Variants in TBC1D8 observed in about 807,000 individuals in gnomAD.
TBC1D8 encodes BUB2-like protein 1.
A neutral mutation model predicts 118.8 loss-of-function variants in TBC1D8; 65 were observed. That is an observed-to-expected ratio of 0.55 (90% CI 0.45 to 0.67). The LOEUF is 0.67. Ranked by LOEUF, TBC1D8 falls within the 30% of genes least tolerant of loss-of-function variation. The pLI, the probability that TBC1D8 is intolerant of heterozygous loss-of-function variation, is 0.00. For synonymous variants in TBC1D8, 566 were observed against 595.8 expected (o/e 0.95, Z 0.73); for missense variants, 1,376 against 1,471.2 (o/e 0.94, Z 1.06).
At chr2:101,024,402 ATTT>A (rs34272976) in intron 15 of TBC1D8, among the ~76,000 whole-genome samples, 4 of 121,154 alleles carry the variant, frequency 3.3e-5, no homozygotes, top group Non-Finnish European at 1.7e-5. Flanking sequence ...TGGGACTGTA[ATTT>A]TTTTTTTTTT....
intron 17 of TBC1D8, chr2:101,018,081 A>C: frequency 4.2e-6 from 3 of 716,172 alleles, no homozygotes; most frequent in East Asian, 2.8e-5. Flanking sequence ...GGCTAATGGG[A>C]CTAGATTTTG....
chr2:101,032,581 A>G, intron 10 of TBC1D8, 196 bp from the exon 11 acceptor site: 1 of 528,214 alleles, frequency 1.9e-6, no homozygotes. Context: ...CGCCCAGCTG[A>G]GCGATCGGCC....
chr2:101,056,643 G>A (rs574594073), intron 3 of TBC1D8, among the ~76,000 whole-genome samples: 5 of 152,194 alleles, frequency 3.3e-5, no homozygotes, highest in African/African-American at 7.2e-5. Context: ...GAGTATTTTT[G>A]AAAAGCATAT....
intron 2 of TBC1D8, among the ~76,000 whole-genome samples, chr2:101,075,236 A>C (rs1674731082): frequency 6.6e-6 from 1 of 152,048 alleles, no homozygotes; most frequent in Non-Finnish European, 1.5e-5. Flanking sequence ...ATCTCTACTA[A>C]AAATACAAAA....
At chr2:101,138,678 C>T (rs940292428) in intron 1 of TBC1D8, among the ~76,000 whole-genome samples, 1 of 152,144 alleles carries the variant, frequency 6.6e-6, no homozygotes. Context: ...TGAAGAGATA[C>T]ACAGGGCGGG....
chr2:101,093,551 C>G (rs1002854575), intron 1 of TBC1D8, among the ~76,000 whole-genome samples: 12 of 151,690 alleles, frequency 7.9e-5, no homozygotes, highest in Admixed American at 1.3e-4. Flanking sequence ...TTCCATTATT[C>G]TCAAAAAAAA....
intron 1 of TBC1D8, among the ~76,000 whole-genome samples, chr2:101,136,809 C>T (rs941703581): frequency 6.6e-6 from 1 of 152,134 alleles, no homozygotes; most frequent in Non-Finnish European, 1.5e-5. Context: ...GCCTTGCTTA[C>T]GTTTCACATT....
chr2:101,076,211 AT>A (rs1227383266), intron 2 of TBC1D8, among the ~76,000 whole-genome samples: 1 of 152,222 alleles, frequency 6.6e-6, no homozygotes, highest in Non-Finnish European at 1.5e-5. Flanking sequence ...TTCTTTACAG[AT>A]AACTCAAGCA....
chr2:101,103,341 G>A lies in TBC1D8; in HGVS notation c.128-12977C>T, dbSNP rs192158315. 3.6e-3 allele frequency among the ~76,000 whole-genome samples: 522 copies of A among 146,840 alleles called. 4 individuals carry two copies. The highest frequency in any genetic ancestry group is 0.012 in the African/African-American group (485 of 40,546). ...TTTTAAAAAAAAAAAAACTTGGAAGGGGGAAGCAGGAAACAAAAAAAAAAA... is the reference window on the plus strand; with the variant it reads ...TTTTAAAAAAAAAAAAACTTGGAAGAGGGAAGCAGGAAACAAAAAAAAAAA... On this transcript the variant is annotated intron_variant, in intron 1 of 19. Transcript: ENST00000409318.
chr2:101,072,738 A>G (rs1674534163), intron 2 of TBC1D8, among the ~76,000 whole-genome samples: 1 of 152,120 alleles, frequency 6.6e-6, no homozygotes, highest in South Asian at 2.1e-4. Flanking sequence ...TCAGGCAGTA[A>G]TGTGCACTTG....
chr2:101,082,520 G>C (rs941558138), intron 2 of TBC1D8, among the ~76,000 whole-genome samples: 1 of 152,126 alleles, frequency 6.6e-6, no homozygotes, highest in Non-Finnish European at 1.5e-5. Context: ...TCCTTGTTTC[G>C]ACTTATGCCC....
In TBC1D8 at chr2:101,037,476, C is replaced by A. The variant is rs1681084903; in HGVS notation, c.1452+56G>T. 6.3e-6 allele frequency: 10 copies of A among 1,579,520 alleles called. No individual in the cohort carries two copies. The South Asian group carries it at 1.1e-4, about 18-fold the overall frequency. On this transcript the variant is annotated intron_variant, in intron 8 of 19. Transcript: ENST00000409318. ...TGGTGACTCAGACAGCTGGGCAACC[C>A]CCCCAAGCCCACGGCTCAGCTTTGT...
intron 1 of TBC1D8, among the ~76,000 whole-genome samples, chr2:101,093,108 T>A (rs1676150251): frequency 6.6e-6 from 1 of 152,188 alleles, no homozygotes; most frequent in Non-Finnish European, 1.5e-5. Flanking sequence ...TTTCTCTTCA[T>A]TATAATTTTC....
intron 2 of TBC1D8, among the ~76,000 whole-genome samples, chr2:101,084,420 G>A (rs963699664): frequency 1.1e-4 from 17 of 152,144 alleles, no homozygotes; most frequent in South Asian, 4.1e-4. Context: ...ACAGTGGTGC[G>A]TGCACGTGTA....
intron 2 of TBC1D8, among the ~76,000 whole-genome samples, chr2:101,062,804 G>GTTA (rs1266162995): frequency 1.3e-5 from 2 of 152,208 alleles, no homozygotes; most frequent in East Asian, 3.9e-4. Flanking sequence ...ACCACGCCTG[G>GTTA]CTAACTTTTG....
At chr2:101,083,575 A>G (rs1244317002) in intron 2 of TBC1D8, among the ~76,000 whole-genome samples, 1 of 152,232 alleles carries the variant, frequency 6.6e-6, no homozygotes, top group Non-Finnish European at 1.5e-5. Context: ...ATCTTCTGCC[A>G]AATAATAATG....
At chr2:101,080,805 C>T (rs1048336419) in intron 2 of TBC1D8, among the ~76,000 whole-genome samples, 1 of 150,992 alleles carries the variant, frequency 6.6e-6, no homozygotes, top group Non-Finnish European at 1.5e-5. Flanking sequence ...TTTTTGGAGA[C>T]AGGGTCTTGC....
At chr2:101,045,516 G>A (rs1681643786) in intron 5 of TBC1D8, among the ~76,000 whole-genome samples, 1 of 152,238 alleles carries the variant, frequency 6.6e-6, no homozygotes, top group Admixed American at 6.5e-5. Flanking sequence ...CTGCGTGACA[G>A]GCCAGGGCAG....
chr2:101,055,937 G>A (rs1253312348), intron 3 of TBC1D8, among the ~76,000 whole-genome samples: 2 of 151,822 alleles, frequency 1.3e-5, no homozygotes, highest in Non-Finnish European at 2.9e-5. Flanking sequence ...TGGCAACTGT[G>A]AACAGCCACT....
Sources: allele counts gnomAD v4.1 joint callset (sites outside exome capture counted in the v4.1 genomes callset), GRCh38; gene constraint gnomAD v4.1.1; transcripts MANE v1.5; gene names NCBI Gene and HGNC (gene_info 2026-07-23, HGNC 2026-07-21).